Variants in ROR2 observed in about 807,000 individuals in gnomAD.
ROR2 encodes the protein ROR family WNT receptor 2, also known as tyrosine-protein kinase transmembrane receptor ROR2.
A neutral mutation model predicts 74.9 loss-of-function variants in ROR2; 33 were observed. The ratio of observed to expected loss-of-function variants is 0.44; its 90% CI spans 0.33 to 0.59. The LOEUF (loss-of-function observed/expected upper bound fraction) is 0.59. ROR2 is among the 20% of genes least tolerant of loss of function. The pLI, the probability that ROR2 is intolerant of heterozygous loss-of-function variation, is 0.02. For synonymous variants in ROR2, 586 were observed against 558.7 expected, an observed-to-expected ratio of 1.05 and a Z score of -0.69; for missense variants, 1,216 against 1,313.8, an observed-to-expected ratio of 0.93 and a Z score of 1.15.
At chr9:91,906,966 C>A (rs1295724278) in intron 1 of ROR2, among the ~76,000 whole-genome samples, 1 of 152,202 alleles carries the variant, frequency 6.6e-6, no homozygotes, top group East Asian at 1.9e-4. Context: ...GGAACATTCA[C>A]TGTGTTGTGC....
chr9:91,755,549 G>A (rs1361963174), intron 4 of ROR2, among the ~76,000 whole-genome samples: 1 of 152,250 alleles, frequency 6.6e-6, no homozygotes, highest in Non-Finnish European at 1.5e-5. Flanking sequence ...GAAACCAGAG[G>A]CCTGAGTTCA....
At chr9:91,775,223 A>G (rs1282070229) in intron 2 of ROR2, among the ~76,000 whole-genome samples, 2 of 152,210 alleles carry the variant, frequency 1.3e-5, no homozygotes, top group Non-Finnish European at 1.5e-5. Context: ...TGCATTAGCA[A>G]ACACGTCAGT....
chr9:91,838,928 C>A (rs914616656), intron 1 of ROR2, among the ~76,000 whole-genome samples: 7 of 152,108 alleles, frequency 4.6e-5, no homozygotes, highest in African/African-American at 1.7e-4. Flanking sequence ...GAGAGAAGTT[C>A]CCGGTGGACT....
intron 2 of ROR2, among the ~76,000 whole-genome samples, chr9:91,768,604 G>A (rs1436663516): frequency 1.3e-5 from 2 of 152,150 alleles, no homozygotes; most frequent in Non-Finnish European, 2.9e-5. Context: ...CCATAGGGAC[G>A]CCACCCCGCT....
intron 1 of ROR2, among the ~76,000 whole-genome samples, chr9:91,791,036 T>C (rs1260205685): frequency 6.6e-6 from 1 of 152,234 alleles, no homozygotes; most frequent in Non-Finnish European, 1.5e-5. Context: ...TAAATATTTT[T>C]ATAAACAGTC....
In ROR2 at chr9:91,723,875, G is replaced by A. The variant is rs770272877; in HGVS notation, c.2619C>T (p.Tyr873=). The A allele has an allele frequency of 2.4e-5, 38 of 1,613,870 alleles. No homozygotes were observed. The highest frequency in any genetic ancestry group is 4.4e-5 in the South Asian group (4 of 91,076). ...HSGSGSTSTG[Y]VTTAPSNTSM... is the part of the protein sequence containing the mutation. Reference sequence around the variant, plus strand: ...ATGTGTTGGAGGGGGCCGTGGTGACGTAGCCTGTGCTGGTGGAGCCACTGC... The same window carrying A: ...ATGTGTTGGAGGGGGCCGTGGTGACATAGCCTGTGCTGGTGGAGCCACTGC... The change falls in exon 9 of 9, where the codon TAC becomes TAT. Residue 873 remains tyrosine (Y), a synonymous_variant. Coordinates refer to ENST00000375708, the MANE Select transcript of ROR2 (RefSeq NM_004560.4).
intron 1 of ROR2, among the ~76,000 whole-genome samples, chr9:91,882,582 G>A (rs1385516631): frequency 6.6e-6 from 1 of 152,156 alleles, no homozygotes; most frequent in Admixed American, 6.5e-5. Context: ...GCAATCTGCT[G>A]TTTATGGATT....
chr9:91,792,663 G>A (rs1226133150), intron 1 of ROR2, among the ~76,000 whole-genome samples: 1 of 152,140 alleles, frequency 6.6e-6, no homozygotes, highest in Non-Finnish European at 1.5e-5. Context: ...ACCAAGAGAA[G>A]ACTCAAATTA....
chr9:91,792,139 G>T (rs1827003158), intron 1 of ROR2, among the ~76,000 whole-genome samples: 2 of 152,032 alleles, frequency 1.3e-5, no homozygotes, highest in African/African-American at 4.8e-5. Flanking sequence ...CTTTTTAGAA[G>T]ATTTTAAATC....
chr9:91,744,630 T>C (rs1271385330), intron 4 of ROR2, among the ~76,000 whole-genome samples: 2 of 152,188 alleles, frequency 1.3e-5, no homozygotes, highest in African/African-American at 4.8e-5. Context: ...ACTGTACTGA[T>C]AACAGATGTG....
intron 1 of ROR2, among the ~76,000 whole-genome samples, chr9:91,940,630 T>A (rs1194284845): frequency 6.6e-6 from 1 of 151,348 alleles, no homozygotes; most frequent in African/African-American, 2.4e-5. Context: ...AGTCTTGCTC[T>A]GTCACCCAGG....
At chr9:91,869,668 G>A (rs1409548422) in intron 1 of ROR2, among the ~76,000 whole-genome samples, 1 of 152,172 alleles carries the variant, frequency 6.6e-6, no homozygotes, top group Non-Finnish European at 1.5e-5. Context: ...GCTCGTGGGT[G>A]GAGGTAAAGG....
intron 2 of ROR2, among the ~76,000 whole-genome samples, chr9:91,761,097 G>A (rs1825900287): frequency 6.6e-6 from 1 of 152,092 alleles, no homozygotes; most frequent in African/African-American, 2.4e-5. Flanking sequence ...CAGTTATGGG[G>A]GTCAAAGTCC....
In ROR2 at chr9:91,930,600, C is replaced by T. The variant is rs188083206; in HGVS notation, c.97+19267G>A. On this transcript the variant is annotated intron_variant, in intron 1 of 8. Transcript: ENST00000375708. ...GCTGGTTTTTCTTTGCAGCACTGGG[C>T]ACTTGTTTCTAACACACACCAGAGG... Among the ~76,000 whole-genome samples, 3 of 152,302 alleles carry T rather than the reference C, an allele frequency of 2.0e-5. No individual in the cohort carries two copies. In the East Asian group the frequency reaches 5.8e-4, roughly 29 times the overall value.
intron 1 of ROR2, among the ~76,000 whole-genome samples, chr9:91,913,528 C>T (rs187294536): frequency 9.2e-5 from 14 of 152,266 alleles, no homozygotes; most frequent in African/African-American, 1.4e-4. Context: ...AGGTAGAAGA[C>T]AGAATTACCA....
intron 1 of ROR2, among the ~76,000 whole-genome samples, chr9:91,941,835 G>A (rs1202814943): frequency 2.1e-5 from 3 of 140,168 alleles, no homozygotes; most frequent in Admixed American, 7.6e-5. Context: ...CTGCTGCCCA[G>A]ACTGGAGTGT....
intron 1 of ROR2, among the ~76,000 whole-genome samples, chr9:91,892,162 T>C (rs1415238827): frequency 6.6e-6 from 1 of 152,006 alleles, no homozygotes; most frequent in African/African-American, 2.4e-5. Flanking sequence ...GCTCCTGTGA[T>C]GAAGCCAAAC....
chr9:91,827,970 T>C (rs1828344575), intron 1 of ROR2, among the ~76,000 whole-genome samples: 1 of 152,262 alleles, frequency 6.6e-6, no homozygotes, highest in Non-Finnish European at 1.5e-5. Context: ...AAAGATCTCC[T>C]TTCACCATTT....
At chr9:91,880,410 A>G (rs1830076322) in intron 1 of ROR2, among the ~76,000 whole-genome samples, 1 of 152,256 alleles carries the variant, frequency 6.6e-6, no homozygotes, top group Non-Finnish European at 1.5e-5. Flanking sequence ...AAGCATTTGT[A>G]GGTGCATCAG....
Sources: gnomAD v4.1 joint callset for allele counts (sites outside exome capture counted in the v4.1 genomes callset) on GRCh38, gnomAD v4.1.1 for gene constraint, MANE v1.5 for transcripts, NCBI Gene and HGNC (gene_info 2026-07-23, HGNC 2026-07-21) for gene names.